Variants in MAST4 observed in about 807,000 individuals in gnomAD.
MAST4 encodes microtubule associated serine/threonine kinase family member 4.
MAST4 carries 89 observed loss-of-function variants against 162.7 expected under a neutral mutation model. The ratio of observed to expected loss-of-function variants is 0.55; its 90% CI spans 0.46 to 0.65. The LOEUF (loss-of-function observed/expected upper bound fraction) is 0.65, where lower values mean the gene tolerates loss of function less well. Ranked by LOEUF, MAST4 falls within the 30% of genes least tolerant of loss-of-function variation. The pLI is 0.00. For synonymous variants in MAST4, 1,479 were observed against 1,361.1 expected, an observed-to-expected ratio of 1.09 and a Z score of -1.91; for missense variants, 3,153 against 3,374.0, an observed-to-expected ratio of 0.93 and a Z score of 1.62.
intron 4 of MAST4, among the ~76,000 whole-genome samples, chr5:66,956,250 C>T (rs1397248823): frequency 6.6e-6 from 1 of 152,194 alleles, no homozygotes; most frequent in Non-Finnish European, 1.5e-5. Flanking sequence ...TTGTTTAACA[C>T]ATTCCCTTGT....
rs906013956 is a variant in MAST4 at position 66,889,384 on chromosome 5, A to G, written c.643-10567A>G. The stretch of plus-strand genomic sequence containing the variant: ...AAGGAAATCACAAAAGTTGTCCACA[A>G]TGACTTTAATTTTATAGAGATCCTG... On this transcript the variant is annotated intron_variant, in intron 3 of 28. Coordinates refer to ENST00000403625, the MANE Select transcript of MAST4 (RefSeq NM_001164664.2). Among the ~76,000 whole-genome samples, 14 of 152,366 alleles carry G rather than the reference A, an allele frequency of 9.2e-5. No individual in the cohort carries two copies. In the East Asian group the frequency reaches 2.3e-3, roughly 25 times the overall value.
intron 5 of MAST4, among the ~76,000 whole-genome samples, chr5:67,067,813 T>C (rs1306520776): frequency 6.6e-6 from 1 of 152,168 alleles, no homozygotes; most frequent in Non-Finnish European, 1.5e-5. Context: ...AAGGGTGATC[T>C]GGTAATGGGA....
chr5:66,792,960 T>C (rs1755485637), intron 3 of MAST4, among the ~76,000 whole-genome samples: 1 of 152,130 alleles, frequency 6.6e-6, no homozygotes, highest in Non-Finnish European at 1.5e-5. Context: ...CCGTGCCCAA[T>C]TGCAACAAAA....
intron 11 of MAST4, 67 bp downstream of exon 11, chr5:67,110,266 C>A: frequency 8.4e-7 from 1 of 1,183,898 alleles, no homozygotes. Flanking sequence ...CATCAGAAAG[C>A]TCCTTCATTT....
intron 5 of MAST4, among the ~76,000 whole-genome samples, chr5:67,080,950 T>C (rs1338529021): frequency 7.2e-6 from 1 of 139,204 alleles, no homozygotes; most frequent in Non-Finnish European, 1.5e-5. Flanking sequence ...TATTATATAA[T>C]ATAATATATA....
intron 3 of MAST4, among the ~76,000 whole-genome samples, chr5:66,791,918 A>G (rs1334636095): frequency 6.6e-6 from 1 of 152,184 alleles, no homozygotes; most frequent in Non-Finnish European, 1.5e-5. Context: ...ATCTGCTGCC[A>G]TGTGCCCAGA....
intron 1 of MAST4, among the ~76,000 whole-genome samples, chr5:66,650,495 C>T (rs1168732320): frequency 1.3e-5 from 2 of 152,130 alleles, no homozygotes; most frequent in Non-Finnish European, 2.9e-5. Context: ...TTTCATCATA[C>T]AGCTAAAATA....
intron 4 of MAST4, among the ~76,000 whole-genome samples, chr5:66,906,153 A>G (rs1384561467): frequency 6.6e-6 from 1 of 152,228 alleles, no homozygotes; most frequent in Non-Finnish European, 1.5e-5. Context: ...CTCTTATGCT[A>G]CAAAGAGCCT....
chr5:66,725,802 A>G (rs1272296624), intron 1 of MAST4, among the ~76,000 whole-genome samples: 1 of 152,196 alleles, frequency 6.6e-6, no homozygotes, highest in African/African-American at 2.4e-5. Context: ...CCAACTCTGC[A>G]GGAGGCACTA....
At chr5:66,756,000 A>G (rs574411654) in intron 1 of MAST4, among the ~76,000 whole-genome samples, 80 of 152,332 alleles carry the variant, frequency 5.3e-4, no homozygotes, top group Non-Finnish European at 9.8e-4. Flanking sequence ...TGGCATTTCT[A>G]TAGAACTGAC....
chr5:67,082,804 G>C (rs1762825320), intron 5 of MAST4, among the ~76,000 whole-genome samples: 1 of 152,148 alleles, frequency 6.6e-6, no homozygotes, highest in African/African-American at 2.4e-5. Context: ...AAAATATGGA[G>C]AGAAATAGTA....
At chr5:66,692,269 ACTGGGCCT>A (rs1229279592) in intron 1 of MAST4, among the ~76,000 whole-genome samples, 5 of 152,234 alleles carry the variant, frequency 3.3e-5, no homozygotes, top group Non-Finnish European at 5.9e-5. Context: ...TTCTAACTTC[ACTGGGCCT>A]GAGACTTGAG....
intron 3 of MAST4, among the ~76,000 whole-genome samples, chr5:66,834,899 T>C (rs1383395164): frequency 6.6e-6 from 1 of 152,198 alleles, no homozygotes; most frequent in African/African-American, 2.4e-5. Flanking sequence ...AATTTTAAAT[T>C]GCTCTGCTCT....
intron 4 of MAST4, among the ~76,000 whole-genome samples, chr5:66,947,528 C>G (rs1561469473): frequency 6.6e-6 from 1 of 152,122 alleles, no homozygotes; most frequent in Non-Finnish European, 1.5e-5. Context: ...ACTTTGCCAT[C>G]TAGATATTGG....
chr5:66,781,074 C>A (rs980677114), intron 2 of MAST4, among the ~76,000 whole-genome samples: 1 of 152,172 alleles, frequency 6.6e-6, no homozygotes, highest in Non-Finnish European at 1.5e-5. Context: ...AGTAATATTC[C>A]ATTGCGCTCC....
chr5:66,845,126 T>TATACACACACACAC (rs1358855625), intron 3 of MAST4, among the ~76,000 whole-genome samples: 2 of 67,178 alleles, frequency 3.0e-5, no homozygotes, highest in African/African-American at 1.1e-4. Context: ...TATATATATA[T>TATACACACACACAC]ACACACACAC....
chr5:67,159,927 T>C (rs1313065343), intron 26 of MAST4, among the ~76,000 whole-genome samples: 2 of 152,214 alleles, frequency 1.3e-5, no homozygotes, highest in Non-Finnish European at 1.5e-5. Context: ...TCTCATTCGG[T>C]TTTGTTACTC....
At chr5:67,110,046 C>G in intron 10 of MAST4, 52 bp from the exon 11 acceptor site, 1 of 1,320,906 alleles carries the variant, frequency 7.6e-7, no homozygotes, top group Non-Finnish European at 1.1e-6. Flanking sequence ...ATTTTCTTTT[C>G]CATTTAATGG....
intron 4 of MAST4, among the ~76,000 whole-genome samples, chr5:66,904,659 C>T (rs1395448831): frequency 6.6e-6 from 1 of 150,786 alleles, no homozygotes; most frequent in Non-Finnish European, 1.5e-5. Context: ...TCTCTGGCCA[C>T]ACCTGCTTGA....
Sources: allele counts gnomAD v4.1 joint callset (sites outside exome capture counted in the v4.1 genomes callset), GRCh38; gene constraint gnomAD v4.1.1; transcripts MANE v1.5; gene names NCBI Gene and HGNC (gene_info 2026-07-23, HGNC 2026-07-21).